Variants in GNL2 observed in about 807,000 individuals in gnomAD.
GNL2 encodes nucleolar GTP-binding protein 2.
A neutral mutation model predicts 92.3 loss-of-function variants in GNL2; 51 were observed. The ratio of observed to expected loss-of-function variants is 0.55; its 90% CI spans 0.44 to 0.70. The LOEUF is 0.70. Ranked by LOEUF, GNL2 falls within the 30% of genes least tolerant of loss-of-function variation. The pLI is 0.00. For synonymous variants in GNL2, 283 were observed against 300.6 expected, an observed-to-expected ratio of 0.94 and a Z score of 0.61; for missense variants, 844 against 895.6, an observed-to-expected ratio of 0.94 and a Z score of 0.74.
intron 4 of GNL2, among the ~76,000 whole-genome samples, chr1:37,588,363 C>T (rs1383820700): frequency 6.6e-6 from 1 of 152,110 alleles, no homozygotes; most frequent in Non-Finnish European, 1.5e-5. Context: ...ATGCAGCAGC[C>T]CCTGTGGTTT....
intron 8 of GNL2, among the ~76,000 whole-genome samples, chr1:37,576,944 T>C (rs1643687670): frequency 6.6e-6 from 1 of 151,976 alleles, no homozygotes; most frequent in African/African-American, 2.4e-5. Flanking sequence ...AAACCCTGTC[T>C]CTACTAAAAA....
At chr1:37,594,191 A>C in intron 1 of GNL2, 1 of 175,994 alleles carries the variant, frequency 5.7e-6, no homozygotes, top group South Asian at 1.4e-4. Context: ...CGGAGTGAGA[A>C]ACTGAGGCAC....
intron 5 of GNL2, among the ~76,000 whole-genome samples, chr1:37,584,478 G>A (rs12732644): frequency 0.55 from 61,174 of 111,198 alleles, 13,807 homozygotes; most frequent in East Asian, 0.74. Context: ...AAAAAAAAAA[G>A]AAGAAGAAAA....
In GNL2 at chr1:37,595,842, C is replaced by G. The variant is rs1318141879; in HGVS notation, c.-20G>C. The G allele has an allele frequency of 2.5e-6, 4 of 1,611,904 alleles. No individual in the cohort carries two copies. The Admixed American group carries it at 6.7e-5, about 27-fold the overall frequency. On this transcript the variant is annotated 5_prime_UTR_variant, in exon 1 of 16. Transcript: ENST00000373062. ...CACCATCTTGGCGACGAGACCGGGA[C>G]CGGAGTGCGAGGTCCGGCTTACGTG...
intron 8 of GNL2, among the ~76,000 whole-genome samples, chr1:37,577,310 CA>C (rs1356517554): frequency 2.6e-5 from 4 of 152,024 alleles, no homozygotes; most frequent in African/African-American, 9.7e-5. Flanking sequence ...AGAAAAAAAG[CA>C]ACCTTGAAAG....
At chr1:37,587,587 T>G (rs914662856) in intron 4 of GNL2, 92 bp from the exon 5 acceptor site, 2 of 817,798 alleles carry the variant, frequency 2.4e-6, no homozygotes, top group African/African-American at 3.5e-5. Flanking sequence ...CTTTCTGATT[T>G]TATTTTTCCA....
rs1570064208 is a variant in GNL2 at position 37,582,951 on chromosome 1, AGGC to A, written c.637-18_637-16del. ...GAATCTATCACCTGAAAATTCAGAA[AGGC>A]AAAAATGGTTTGCTACAGTACAAAT... On this transcript the variant is annotated splice_polypyrimidine_tract_variant and intron_variant, in intron 6 of 15. Coordinates refer to ENST00000373062, the MANE Select transcript of GNL2 (RefSeq NM_013285.3). 6.9e-6 allele frequency: 11 copies of A among 1,601,698 alleles called. No homozygotes were observed. The Admixed American group carries it at 1.0e-4, about 15-fold the overall frequency.
At chr1:37,582,089 T>G in intron 8 of GNL2, 134 bp downstream of exon 8, 2 of 571,066 alleles carry the variant, frequency 3.5e-6, no homozygotes, top group Non-Finnish European at 6.2e-6. Flanking sequence ...GCGTCCTGAG[T>G]AGCTAGGACT....
chr1:37,574,601 C>T, intron 11 of GNL2, 64 bp downstream of exon 11: 1 of 1,516,064 alleles, frequency 6.6e-7, no homozygotes, highest in Non-Finnish European at 9.1e-7. Flanking sequence ...AAAAAAAGGC[C>T]CATATCATAT....
chr1:37,573,577 C>T (rs1228208251), intron 12 of GNL2, among the ~76,000 whole-genome samples: 1 of 152,186 alleles, frequency 6.6e-6, no homozygotes, highest in Non-Finnish European at 1.5e-5. Context: ...GGCTGTTTTT[C>T]GTTCCTATAT....
Position 37,567,703 on chromosome 1 carries a change from A to G in GNL2, c.2013T>C (p.Asn671=), listed in dbSNP as rs1305546579. Residue 671 remains asparagine (N), a synonymous_variant, in exon 15 of 16, where the codon AAT becomes AAC. Coordinates refer to ENST00000373062, the MANE Select transcript of GNL2 (RefSeq NM_013285.3). ...TTGATGTAAGCGCCCTGGGAGCTTT[A>G]TTTGAATGTTCCTGTTCCTCTTCCC... ...AQREEEQEHS[N]KAPRALTSKE... 2 of 1,613,620 alleles carry G rather than the reference A, an allele frequency of 1.2e-6. No homozygotes were observed. Among genetic ancestry groups the G allele is most frequent in the African/African-American group, 2.7e-5 (2 of 74,910 alleles).
chr1:37,587,445 GCCAAAT>G lies in GNL2; in HGVS notation c.429_434del (p.Phe144_Gly145del), dbSNP rs776234674. ...TTGGTCGTTTCCTCTGTGACTTAGG[GCCAAAT>G]GTAGTTTCAAAACTTTCAGTATCAA... is the stretch of plus-strand genomic sequence containing the variant. On this transcript the variant is annotated inframe_deletion, in exon 5 of 16. Transcript: ENST00000373062. 3.1e-6 allele frequency: 5 copies of G among 1,612,820 alleles called. No individual in the cohort carries two copies. Among genetic ancestry groups the G allele is most frequent in the Non-Finnish European group, 4.2e-6 (5 of 1,179,062 alleles).
chr1:37,588,101 C>T (rs774745052), intron 4 of GNL2, among the ~76,000 whole-genome samples: 6 of 152,010 alleles, frequency 3.9e-5, no homozygotes, highest in Non-Finnish European at 7.4e-5. Flanking sequence ...GGCAAGTCTT[C>T]GGATGAAAAA....
At chr1:37,582,107 T>C in intron 8 of GNL2, 116 bp downstream of exon 8, 1 of 634,004 alleles carries the variant, frequency 1.6e-6, no homozygotes, top group Non-Finnish European at 2.8e-6. Context: ...ACTACAGACC[T>C]GCGCAACCAC....
Position 37,568,876 on chromosome 1 carries a change from T to C in GNL2, c.1843A>G (p.Lys615Glu). The stretch of plus-strand genomic sequence containing the variant: ...CTGACTGCTGAAAACTTTTTGGCTT[T>C]GGCTTTGTCTAGAAACTTCTGATAT... ...AKYQKFLDKAKAKKFSAVRIS... is the reference protein window; with the variant it reads ...AKYQKFLDKAEAKKFSAVRIS... The change falls in exon 13 of 16, where the codon AAA (lysine) becomes GAA (glutamate). Residue 615 changes from lysine (K) to glutamate (E), a missense_variant. Lys to Glu is a moderately conservative substitution (Grantham distance 56, BLOSUM62 1). Coordinates refer to ENST00000373062, the MANE Select transcript of GNL2 (RefSeq NM_013285.3). The C allele has an allele frequency of 6.2e-7, 1 of 1,612,882 alleles. No homozygotes were observed. The highest frequency in any genetic ancestry group is 8.5e-7 in the Non-Finnish European group (1 of 1,179,410).
intron 1 of GNL2, chr1:37,594,145 A>G (rs922135627): frequency 9.7e-6 from 3 of 310,052 alleles, no homozygotes; most frequent in South Asian, 9.9e-5. Flanking sequence ...GATTTAATCT[A>G]TACAATAATC....
chr1:37,583,543 A>C (rs1019046179), intron 6 of GNL2, among the ~76,000 whole-genome samples: 3 of 152,236 alleles, frequency 2.0e-5, no homozygotes, highest in African/African-American at 7.2e-5. Context: ...AGAGGGGTGG[A>C]CTAAATAACT....
At chr1:37,589,662 C>T (rs1018894883) in intron 4 of GNL2, among the ~76,000 whole-genome samples, 4 of 152,206 alleles carry the variant, frequency 2.6e-5, no homozygotes, top group African/African-American at 7.2e-5. Flanking sequence ...CATACTGGAA[C>T]TGAAGCTTAC....
chr1:37,581,450 C>T, intron 8 of GNL2: 1 of 456,044 alleles, frequency 2.2e-6, no homozygotes. Flanking sequence ...GGGCCCTCTC[C>T]AACCAGAGGA....
Sources: allele counts gnomAD v4.1 joint callset (sites outside exome capture counted in the v4.1 genomes callset), GRCh38; gene constraint gnomAD v4.1.1; transcripts MANE v1.5; gene names NCBI Gene and HGNC (gene_info 2026-07-23, HGNC 2026-07-21).